The following POLH variants were observed in gnomAD, a reference collection of about 807,000 sequenced individuals.
POLH encodes DNA polymerase eta transcript.
In POLH, 53 loss-of-function variants were observed where a neutral mutation model predicts 73.6. That is an observed-to-expected ratio of 0.72 (90% CI 0.58 to 0.91). The LOEUF is 0.91. Among genes scored for constraint, POLH ranks in the 40% least tolerant of loss-of-function variants. The pLI is 0.00. For missense variants in POLH, 768 were observed against 865.4 expected (o/e 0.89, Z 1.41); for synonymous variants, 292 against 308.5 (o/e 0.95, Z 0.56).
intron 1 of POLH, chr6:43,578,482 T>C (rs1274997760): frequency 2.4e-6 from 1 of 422,170 alleles, no homozygotes; most frequent in Non-Finnish European, 4.7e-6. Flanking sequence ...ATCAGTAGTA[T>C]TTAAAGCAGC....
intron 4 of POLH, among the ~76,000 whole-genome samples, chr6:43,596,304 A>T (rs1387261614): frequency 2.0e-5 from 3 of 152,146 alleles, no homozygotes; most frequent in Non-Finnish European, 4.4e-5. Flanking sequence ...TGACACGGTG[A>T]AACCCCATCT....
intron 10 of POLH, among the ~76,000 whole-genome samples, chr6:43,611,793 C>T (rs956478484): frequency 5.3e-5 from 8 of 152,068 alleles, no homozygotes; most frequent in Non-Finnish European, 8.8e-5. Flanking sequence ...CGGTGGCTCA[C>T]GGCTGTAATC....
intron 9 of POLH, among the ~76,000 whole-genome samples, chr6:43,606,720 C>T (rs1315427531): frequency 6.6e-6 from 1 of 152,158 alleles, no homozygotes; most frequent in African/African-American, 2.4e-5. Flanking sequence ...TGAGCCACCG[C>T]ACCCGGCAGT....
intron 4 of POLH, among the ~76,000 whole-genome samples, chr6:43,593,041 A>T (rs9333524): frequency 5.4e-5 from 8 of 147,072 alleles, no homozygotes; most frequent in African/African-American, 1.9e-4. Flanking sequence ...TTTTATAATG[A>T]TTATTTTTGA....
intron 1 of POLH, among the ~76,000 whole-genome samples, chr6:43,578,098 C>T (rs926876209): frequency 4.8e-5 from 7 of 145,280 alleles, no homozygotes; most frequent in African/African-American, 1.8e-4. Flanking sequence ...AAAAAATCCC[C>T]ATGCTAGGCC....
At chr6:43,579,611 C>T (rs1763780008) in intron 1 of POLH, among the ~76,000 whole-genome samples, 2 of 152,184 alleles carry the variant, frequency 1.3e-5, no homozygotes, top group South Asian at 4.1e-4. Flanking sequence ...TAACTGAACC[C>T]AAAGAGGGGC....
chr6:43,601,824 G>A (rs1216472611), intron 6 of POLH, among the ~76,000 whole-genome samples: 1 of 151,998 alleles, frequency 6.6e-6, no homozygotes. Flanking sequence ...TTTGGGAGGC[G>A]AGGCAGGTGG....
In POLH at chr6:43,614,574, G is replaced by T. The variant is rs765695694; in HGVS notation, c.*17G>T. ...ACACATTAGTGCTGCCCTCAGGCTT[G>T]CCTGTAGGATTTAATATTTTTTATC... On this transcript the variant is annotated 3_prime_UTR_variant, in exon 11 of 11. Coordinates refer to ENST00000372236, the MANE Select transcript of POLH (RefSeq NM_006502.3). 1 of 1,601,692 alleles carries T rather than the reference G, an allele frequency of 6.2e-7. No individual in the cohort carries two copies. Among genetic ancestry groups the T allele is most frequent in the Non-Finnish European group, 8.5e-7 (1 of 1,170,586 alleles).
intron 4 of POLH, among the ~76,000 whole-genome samples, chr6:43,591,775 C>G (rs1765489830): frequency 6.6e-6 from 1 of 152,142 alleles, no homozygotes; most frequent in Non-Finnish European, 1.5e-5. Context: ...ATACATAAGA[C>G]AATTTTGCAT....
Position 43,582,314 on chromosome 6 carries a change from A to T in POLH, c.-4-2A>T. On this transcript the variant is annotated splice_acceptor_variant, in intron 1 of 10. Coordinates refer to ENST00000372236, the MANE Select transcript of POLH (RefSeq NM_006502.3). LOFTEE classifies it low-confidence loss of function (5UTR_SPLICE). Reference sequence around the variant, plus strand: ...AACTGTCCATAAAATGTTGTGTTACAGAAAAATGGCTACTGGACAGGATCG... The same window carrying T: ...AACTGTCCATAAAATGTTGTGTTACTGAAAAATGGCTACTGGACAGGATCG... 1 of 1,614,146 alleles carries T rather than the reference A, an allele frequency of 6.2e-7. No individual in the cohort carries two copies. The highest frequency in any genetic ancestry group is 8.5e-7 in the Non-Finnish European group (1 of 1,179,944).
chr6:43,592,340 A>T (rs1030068954), intron 4 of POLH, among the ~76,000 whole-genome samples: 1 of 151,882 alleles, frequency 6.6e-6, no homozygotes, highest in Non-Finnish European at 1.5e-5. Flanking sequence ...CAACTTTTCC[A>T]TCTTGCCTCC....
chr6:43,584,036 A>G (rs189527703), intron 3 of POLH, among the ~76,000 whole-genome samples: 24 of 152,300 alleles, frequency 1.6e-4, no homozygotes, highest in Admixed American at 2.6e-4. Flanking sequence ...CCGGCTACTC[A>G]GGAAGCTGAG....
intron 1 of POLH, among the ~76,000 whole-genome samples, chr6:43,580,820 C>T (rs2127769647): frequency 7.1e-6 from 1 of 140,394 alleles, no homozygotes; most frequent in Admixed American, 6.8e-5. Flanking sequence ...AGGGGCTCCT[C>T]ACTTCCCAGT....
At position 43,589,717 on chromosome 6, in the gene POLH, G is replaced by A. The variant is rs1327787333; in HGVS notation, c.490+2228G>A. On this transcript the variant is annotated intron_variant, in intron 4 of 10. Transcript: ENST00000372236. ...TGGCTATCAGTCGCTATTCACAGGT[G>A]TGTAATTATGGCTCACTGCAGCCTT... Among the ~76,000 whole-genome samples the A allele has an allele frequency of 2.0e-5, 3 of 150,476 alleles. No homozygotes were observed. In the East Asian group the frequency reaches 5.8e-4, roughly 29 times the overall value.
At chr6:43,604,457 G>A (rs1423567706) in intron 7 of POLH, among the ~76,000 whole-genome samples, 158 bp from the exon 8 acceptor site, 1 of 152,176 alleles carries the variant, frequency 6.6e-6, no homozygotes, top group Non-Finnish European at 1.5e-5. Context: ...CACTGAGAAG[G>A]GCAGGGGTTT....
Position 43,583,047 on chromosome 6 carries a change from A to G in POLH, c.178A>G (p.Thr60Ala). ...TTATGAAGCTCGTGCATTTGGAGTC[A>G]CTAGAAGTATGTGGGCAGATGATGC... ...VSYEARAFGV[T>A]RSMWADDAKK... is the part of the protein sequence containing the mutation. Residue 60 changes from threonine to alanine, a missense_variant, in exon 3 of 11, where the codon ACT (threonine) becomes GCT (alanine). Transcript: ENST00000372236. The G allele has an allele frequency of 1.2e-6, 2 of 1,613,760 alleles. No individual in the cohort carries two copies. The highest frequency in any genetic ancestry group is 1.7e-6 in the Non-Finnish European group (2 of 1,179,700).
Position 43,618,385 on chromosome 6 carries a change from C to T in POLH, c.*3828C>T, listed in dbSNP as rs905445904. 2.0e-4 allele frequency among the ~76,000 whole-genome samples: 30 copies of T among 151,836 alleles called. No homozygotes were observed. Among genetic ancestry groups the T allele is most frequent in the Non-Finnish European group, 4.0e-4 (27 of 67,952 alleles). The stretch of plus-strand genomic sequence containing the variant: ...TGGCCAGGCTGGTCTCTATCTAGAC[C>T]TCGTGATCCATCCGCCTCGGCCTCC... On this transcript the variant is annotated 3_prime_UTR_variant, in exon 11 of 11. Coordinates refer to ENST00000372236, the MANE Select transcript of POLH (RefSeq NM_006502.3).
intron 1 of POLH, among the ~76,000 whole-genome samples, chr6:43,580,893 T>C (rs1764053769): frequency 6.8e-6 from 1 of 147,856 alleles, no homozygotes; most frequent in East Asian, 2.1e-4. Context: ...GGCGGAGGGC[T>C]GACCCCCCCA....
chr6:43,588,928 C>T (rs1765137298), intron 4 of POLH, among the ~76,000 whole-genome samples: 2 of 152,068 alleles, frequency 1.3e-5, no homozygotes, highest in African/African-American at 4.8e-5. Context: ...AGCTCCGCCT[C>T]CCGGGTTCAC....
Sources: gnomAD v4.1 joint callset for allele counts (sites outside exome capture counted in the v4.1 genomes callset) on GRCh38, gnomAD v4.1.1 for gene constraint, MANE v1.5 for transcripts, NCBI Gene and HGNC (gene_info 2026-07-23, HGNC 2026-07-21) for gene names.